The following CRPPA variants were observed in gnomAD, a reference collection of about 807,000 sequenced individuals.
CRPPA encodes the protein D-ribitol-5-phosphate cytidylyltransferase.
Under a neutral mutation model 52.0 loss-of-function variants are expected in CRPPA, and 43 were observed. That is an observed-to-expected ratio of 0.83 (90% CI 0.65 to 1.07). The LOEUF is 1.07. CRPPA is among the 50% of genes least tolerant of loss of function. The pLI, the probability that CRPPA is intolerant of heterozygous loss-of-function variation, is 0.00. For synonymous variants in CRPPA, 250 were observed against 203.5 expected, an observed-to-expected ratio of 1.23 and a Z score of -1.94; for missense variants, 629 against 551.7, an observed-to-expected ratio of 1.14 and a Z score of -1.40.
At chr7:16,361,237 T>C (rs1039635824) in intron 3 of CRPPA, among the ~76,000 whole-genome samples, 10 of 152,144 alleles carry the variant, frequency 6.6e-5, no homozygotes, top group Admixed American at 6.5e-4. Flanking sequence ...TAGAAACTGA[T>C]TGGAAACCCG....
chr7:16,392,797 C>A (rs1787478921), intron 2 of CRPPA, among the ~76,000 whole-genome samples: 1 of 152,000 alleles, frequency 6.6e-6, no homozygotes, highest in Admixed American at 6.6e-5. Flanking sequence ...AACTTGAACA[C>A]CCTCTCATAC....
At chr7:16,229,772 C>A (rs1367430868) in intron 8 of CRPPA, among the ~76,000 whole-genome samples, 21 of 151,844 alleles carry the variant, frequency 1.4e-4, no homozygotes. Flanking sequence ...TAGTGTTGTG[C>A]TTTTTTTGGC....
At chr7:16,100,009 C>A (rs989368847) in intron 9 of CRPPA, among the ~76,000 whole-genome samples, 2 of 152,146 alleles carry the variant, frequency 1.3e-5, no homozygotes, top group African/African-American at 4.8e-5. Context: ...TTGGCTACTG[C>A]TCCAACCTCC....
At chr7:16,408,145 G>A (rs908966957) in intron 1 of CRPPA, among the ~76,000 whole-genome samples, 5 of 150,954 alleles carry the variant, frequency 3.3e-5, no homozygotes, top group Admixed American at 6.6e-5. Context: ...TATCAGCATC[G>A]AGGATACAAC....
At chr7:16,101,697 G>A (rs1056308998) in intron 9 of CRPPA, among the ~76,000 whole-genome samples, 1 of 152,046 alleles carries the variant, frequency 6.6e-6, no homozygotes, top group Non-Finnish European at 1.5e-5. Flanking sequence ...GCCAAATCAT[G>A]AGTTAACTCT....
At chr7:16,146,675 C>T (rs961557441) in intron 9 of CRPPA, among the ~76,000 whole-genome samples, 11 of 151,868 alleles carry the variant, frequency 7.2e-5, no homozygotes, top group African/African-American at 1.7e-4. Context: ...TAATCCAAAG[C>T]GAAATGTTAT....
chr7:16,226,951 G>A (rs1367744050), intron 8 of CRPPA, among the ~76,000 whole-genome samples: 2 of 151,808 alleles, frequency 1.3e-5, no homozygotes, highest in Non-Finnish European at 2.9e-5. Context: ...TGCTGCCATA[G>A]TATCAACTCT....
At chr7:16,384,867 A>G (rs1432345507) in intron 2 of CRPPA, among the ~76,000 whole-genome samples, 1 of 152,226 alleles carries the variant, frequency 6.6e-6, no homozygotes, top group Non-Finnish European at 1.5e-5. Flanking sequence ...CCCATATATC[A>G]AACTTAGCAG....
chr7:16,158,398 A>G (rs1286159628), intron 9 of CRPPA, among the ~76,000 whole-genome samples: 3 of 151,984 alleles, frequency 2.0e-5, no homozygotes, highest in South Asian at 2.1e-4. Flanking sequence ...TTATGAATAA[A>G]TTTCTAATGA....
intron 8 of CRPPA, among the ~76,000 whole-genome samples, chr7:16,217,439 G>A (rs1251829340): frequency 1.4e-5 from 2 of 147,466 alleles, no homozygotes; most frequent in South Asian, 2.2e-4. Flanking sequence ...AAGCTGGATG[G>A]AGAATGACTT....
intron 9 of CRPPA, among the ~76,000 whole-genome samples, chr7:16,195,175 T>C (rs113964181): frequency 3.3e-5 from 5 of 152,256 alleles, no homozygotes; most frequent in African/African-American, 1.2e-4. Context: ...ATAATTAAGG[T>C]GGGCATTATC....
intron 1 of CRPPA, among the ~76,000 whole-genome samples, chr7:16,418,853 A>G (rs1486279745): frequency 6.6e-6 from 1 of 152,166 alleles, no homozygotes; most frequent in Non-Finnish European, 1.5e-5. Context: ...GTGTCCGCCT[A>G]TCTTAGACTG....
chr7:16,218,168 A>G (rs1782385191), intron 8 of CRPPA, among the ~76,000 whole-genome samples: 1 of 151,648 alleles, frequency 6.6e-6, no homozygotes, highest in African/African-American at 2.4e-5. Context: ...ATTTCAACCC[A>G]GAATTTCATA....
intron 2 of CRPPA, among the ~76,000 whole-genome samples, chr7:16,394,333 T>C (rs969387301): frequency 2.0e-5 from 3 of 152,174 alleles, no homozygotes; most frequent in Non-Finnish European, 4.4e-5. Flanking sequence ...TTTCCCCAAA[T>C]ACACTGTGCA....
chr7:16,341,979 T>C (rs1785855621), intron 3 of CRPPA, among the ~76,000 whole-genome samples: 1 of 152,204 alleles, frequency 6.6e-6, no homozygotes, highest in Non-Finnish European at 1.5e-5. Flanking sequence ...ACAGTCTTTC[T>C]TTCTGGCAAC....
chr7:16,380,140 T>A (rs1425647884), intron 2 of CRPPA, among the ~76,000 whole-genome samples: 2 of 151,118 alleles, frequency 1.3e-5, no homozygotes, highest in East Asian at 3.9e-4. Context: ...CAAAGACAGC[T>A]CTTATTATTT....
chr7:16,242,520 A>G (rs149348346), intron 8 of CRPPA, among the ~76,000 whole-genome samples: 27 of 152,208 alleles, frequency 1.8e-4, no homozygotes, highest in African/African-American at 5.8e-4. Context: ...AATACTACAC[A>G]CCCCCGTAAA....
chr7:16,358,017 A>C (rs79582643), intron 3 of CRPPA, among the ~76,000 whole-genome samples: 2,160 of 152,324 alleles, frequency 0.014, 29 homozygotes, highest in Middle Eastern at 0.027. Flanking sequence ...GACAAGCTGG[A>C]AGTATACTGC....
intron 3 of CRPPA, among the ~76,000 whole-genome samples, chr7:16,368,090 T>C (rs909466009): frequency 6.6e-6 from 1 of 151,758 alleles, no homozygotes; most frequent in Non-Finnish European, 1.5e-5. Flanking sequence ...GAATACCATC[T>C]GTGAGCATAA....
Sources: gnomAD v4.1 joint callset for allele counts (sites outside exome capture counted in the v4.1 genomes callset) on GRCh38, gnomAD v4.1.1 for gene constraint, MANE v1.5 for transcripts, NCBI Gene and HGNC (gene_info 2026-07-23, HGNC 2026-07-21) for gene names.